Variants in PDPN observed in about 807,000 individuals in gnomAD.
PDPN encodes PA2.26 antigen.
A neutral mutation model predicts 23.2 loss-of-function variants in PDPN; 12 were observed. The ratio of observed to expected loss-of-function variants is 0.52; its 90% confidence interval spans 0.33 to 0.84. The LOEUF (loss-of-function observed/expected upper bound fraction) is 0.84, where lower values mean the gene tolerates loss of function less well. Among genes scored for constraint, PDPN ranks in the 40% least tolerant of loss-of-function variants. The pLI, the probability that PDPN is intolerant of heterozygous loss-of-function variation, is 0.02. For synonymous variants in PDPN, 77 were observed against 76.7 expected, an observed-to-expected ratio of 1.00 and a Z score of -0.02; for missense variants, 199 against 212.2, an observed-to-expected ratio of 0.94 and a Z score of 0.39.
At position 13,583,919 on chromosome 1, in the gene PDPN, CCCCCCACCGTCGCGCT is replaced by C. The variant is rs1640105808; in HGVS notation, c.-112_-97del. 4 of 1,612,370 alleles carry C rather than the reference CCCCCCACCGTCGCGCT, an allele frequency of 2.5e-6. No individual in the cohort carries two copies. Among genetic ancestry groups the C allele is most frequent in the Non-Finnish European group, 3.4e-6 (4 of 1,179,282 alleles). On this transcript the variant is annotated 5_prime_UTR_variant, in exon 1 of 6. Transcript: ENST00000621990. Reference sequence around the variant, plus strand: ...GGGCTCCTGCTCCCACCCCTCCGGCCCCCCCACCGTCGCGCTCCTCCAGGCTGGGCCTGTGGCCGCG... The same window carrying C: ...GGGCTCCTGCTCCCACCCCTCCGGCCCCTCCAGGCTGGGCCTGTGGCCGCG...
At chr1:13,597,809 CA>C (rs1355916855) in intron 1 of PDPN, among the ~76,000 whole-genome samples, 1 of 151,606 alleles carries the variant, frequency 6.6e-6, no homozygotes, top group East Asian at 2.0e-4. Context: ...CTGTGGTCTA[CA>C]AAAAAATAAA....
chr1:13,610,381 C>CAATAGG lies in PDPN; in HGVS notation c.202-5_202dup, dbSNP rs1557549946. ...TCCTGTTTTTCCTCATTTACACCTA[C>CAATAGG]AATAGGTGGCAACAAGTGTCAACAG... On this transcript the variant is annotated splice_polypyrimidine_tract_variant and splice_region_variant and intron_variant, in intron 2 of 5. Transcript: ENST00000621990. The CAATAGG allele has an allele frequency of 6.2e-6, 10 of 1,611,286 alleles. No individual in the cohort carries two copies. Among genetic ancestry groups the CAATAGG allele is most frequent in the Non-Finnish European group, 7.6e-6 (9 of 1,178,136 alleles).
chr1:13,613,837 A>G (rs1640996851), intron 4 of PDPN, 112 bp downstream of exon 4: 1 of 583,828 alleles, frequency 1.7e-6, no homozygotes, highest in African/African-American at 2.0e-5. Flanking sequence ...CAATGAGAGC[A>G]GAATAGAAAA....
chr1:13,596,417 G>A (rs932764592), intron 1 of PDPN, among the ~76,000 whole-genome samples: 7 of 152,104 alleles, frequency 4.6e-5, no homozygotes, highest in Admixed American at 1.3e-4. Flanking sequence ...TTAATTCACA[G>A]TTCTCTAGAT....
intron 1 of PDPN, among the ~76,000 whole-genome samples, chr1:13,604,673 C>G (rs1309230771): frequency 6.6e-6 from 1 of 151,928 alleles, no homozygotes; most frequent in Non-Finnish European, 1.5e-5. Flanking sequence ...TTGTACTAAA[C>G]CGCTCCAGAA....
chr1:13,592,095 C>T (rs942769909), intron 1 of PDPN, among the ~76,000 whole-genome samples: 7 of 152,198 alleles, frequency 4.6e-5, no homozygotes, highest in African/African-American at 1.7e-4. Context: ...TGCACTTCTT[C>T]GCCAATTGTG....
chr1:13,613,573 C>T, intron 3 of PDPN, 114 bp from the exon 4 acceptor site: 1 of 667,264 alleles, frequency 1.5e-6, no homozygotes, highest in Non-Finnish European at 2.7e-6. Context: ...AGAAGCCATC[C>T]TCTTGGTTTA....
At chr1:13,594,758 G>A (rs866339642) in intron 1 of PDPN, among the ~76,000 whole-genome samples, 3 of 152,026 alleles carry the variant, frequency 2.0e-5, no homozygotes, top group Admixed American at 1.3e-4. Flanking sequence ...AGGCCGAGGT[G>A]GGCGGATCAC....
In PDPN at chr1:13,590,742, C is replaced by CT. The variant is rs1212947634; in HGVS notation, c.67+6647dup. ...CCGTGCTGAGTGGAAGAGGCGGGAC[C>CT]TTTTTCTGTAGGCAGAAATAGAGAA... On this transcript the variant is annotated intron_variant, in intron 1 of 5. Transcript: ENST00000621990. Among the ~76,000 whole-genome samples, 6 of 151,734 alleles carry CT rather than the reference C, an allele frequency of 4.0e-5. No individual in the cohort carries two copies. The East Asian group carries it at 1.2e-3, about 30-fold the overall frequency.
intron 1 of PDPN, chr1:13,584,397 A>G (rs1570000053): frequency 1.6e-6 from 2 of 1,254,400 alleles, no homozygotes; most frequent in Middle Eastern, 5.6e-4. Flanking sequence ...GATCGGGTGG[A>G]AGGTTCACAG....
intron 1 of PDPN, among the ~76,000 whole-genome samples, chr1:13,596,306 G>A (rs546723185): frequency 2.6e-5 from 4 of 152,254 alleles, no homozygotes; most frequent in Non-Finnish European, 5.9e-5. Flanking sequence ...AGGAATCTAT[G>A]GGGCAGTGTG....
chr1:13,589,193 C>T (rs182339623), intron 1 of PDPN, among the ~76,000 whole-genome samples: 373 of 152,244 alleles, frequency 2.5e-3, no homozygotes, highest in African/African-American at 6.5e-3. Flanking sequence ...TTATTCCACC[C>T]GACAGCTCCA....
Position 13,595,916 on chromosome 1 carries a change from G to A in PDPN, c.68-11257G>A, listed in dbSNP as rs751328005. On this transcript the variant is annotated intron_variant, in intron 1 of 5. Transcript: ENST00000621990. ...GAAGATAATTTTAAAGAAGTGTTCC[G>A]GCCGGGTGCAGTGGCTCACAACTGT... The A allele has an allele frequency of 7.5e-4, 955 of 1,279,936 alleles. 1 individual carries two copies. The highest frequency in any genetic ancestry group is 9.4e-4 in the Non-Finnish European group (925 of 981,496). The allele number at this position is 1,279,936 out of a possible 1,614,324, so 79.3% of individuals were successfully genotyped here. A position where few individuals can be genotyped will look rare whatever the true frequency, so the allele number is the denominator to read the frequency against.
At position 13,585,549 on chromosome 1, in the gene PDPN, G is replaced by A. The variant is rs551093968; in HGVS notation, c.67+1449G>A. On this transcript the variant is annotated intron_variant, in intron 1 of 5. Coordinates refer to ENST00000621990, the MANE Select transcript of PDPN (RefSeq NM_006474.5). ...GCCCTCACTTCAGCATCTCAGCCCT[G>A]CTAAAGAAAAAGCTGCTGGGTAACA... The A allele has an allele frequency of 7.4e-6, 10 of 1,351,892 alleles. No homozygotes were observed. The East Asian group carries it at 3.6e-4, about 49-fold the overall frequency. 83.7% of individuals were successfully genotyped at this position (1,351,892 alleles called of 1,614,324 possible). A position where few individuals can be genotyped will look rare whatever the true frequency, so the allele number is the denominator to read the frequency against.
intron 1 of PDPN, among the ~76,000 whole-genome samples, chr1:13,597,974 C>CA (rs1640541007): frequency 1.3e-5 from 2 of 151,308 alleles, no homozygotes; most frequent in Admixed American, 1.3e-4. Flanking sequence ...GACCCTGTCT[C>CA]AAAAAAAGGA....
At chr1:13,591,864 T>A (rs2100214765) in intron 1 of PDPN, among the ~76,000 whole-genome samples, 1 of 152,316 alleles carries the variant, frequency 6.6e-6, no homozygotes, top group African/African-American at 2.4e-5. Context: ...CAAGTTTGTT[T>A]AACTTTTTGA....
intron 2 of PDPN, among the ~76,000 whole-genome samples, chr1:13,607,756 A>G (rs1557548497): frequency 6.6e-6 from 1 of 152,294 alleles, no homozygotes; most frequent in East Asian, 1.9e-4. Flanking sequence ...AACTTTCAAT[A>G]CAATGAAAGT....
intron 1 of PDPN, among the ~76,000 whole-genome samples, chr1:13,603,729 C>T (rs1357486515): frequency 6.6e-6 from 1 of 151,902 alleles, no homozygotes; most frequent in Non-Finnish European, 1.5e-5. Flanking sequence ...GTTGGGGTTA[C>T]AGGCACCTGC....
At chr1:13,597,547 T>G (rs1008848891) in intron 1 of PDPN, among the ~76,000 whole-genome samples, 2 of 152,184 alleles carry the variant, frequency 1.3e-5, no homozygotes, top group African/African-American at 4.8e-5. Flanking sequence ...CTCACTCACG[T>G]CAAGATGGAA....
Sources: allele counts gnomAD v4.1 joint callset (sites outside exome capture counted in the v4.1 genomes callset), GRCh38; gene constraint gnomAD v4.1.1; transcripts MANE v1.5; gene names NCBI Gene and HGNC (gene_info 2026-07-23, HGNC 2026-07-21).